Variants in STPG2 observed in about 807,000 individuals in gnomAD.
STPG2 encodes sperm tail PG-rich repeat containing 2.
Under a neutral mutation model 54.2 loss-of-function variants are expected in STPG2, and 56 were observed. That is an observed-to-expected ratio of 1.03 (90% CI 0.83 to 1.29). The LOEUF (loss-of-function observed/expected upper bound fraction) is 1.29, where lower values mean the gene tolerates loss of function less well. Among genes scored for constraint, STPG2 ranks in the 50% most tolerant of loss-of-function variants. The probability of loss-of-function intolerance (pLI) is 0.00; values close to 1 mark genes in which losing one functional copy is unlikely to be tolerated. For missense variants in STPG2, 596 were observed against 544.9 expected (o/e 1.09, Z -0.93); for synonymous variants, 200 against 181.8 (o/e 1.10, Z -0.81).
At chr4:97,571,572 C>T (rs1012229123) in intron 10 of STPG2, among the ~76,000 whole-genome samples, 1 of 152,146 alleles carries the variant, frequency 6.6e-6, no homozygotes. Flanking sequence ...TTCTATTGAT[C>T]CCAGGTCTTT....
intron 10 of STPG2, among the ~76,000 whole-genome samples, chr4:97,670,157 G>A (rs1429090333): frequency 6.6e-6 from 1 of 151,940 alleles, no homozygotes; most frequent in East Asian, 1.9e-4. Context: ...CAATCTTAAG[G>A]ATTCAAATTA....
chr4:97,658,635 G>T (rs1203051935), intron 10 of STPG2, among the ~76,000 whole-genome samples: 5 of 152,202 alleles, frequency 3.3e-5, no homozygotes, highest in African/African-American at 9.6e-5. Flanking sequence ...TAAAGAAAGA[G>T]GCCAAGAGAG....
chr4:97,640,607 A>T (rs773068031), intron 10 of STPG2, among the ~76,000 whole-genome samples: 1 of 151,820 alleles, frequency 6.6e-6, no homozygotes, highest in Non-Finnish European at 1.5e-5. Flanking sequence ...ATTGAAAAAC[A>T]GGATATACGG....
intron 8 of STPG2, among the ~76,000 whole-genome samples, chr4:97,921,403 G>C (rs1349579497): frequency 3.3e-5 from 5 of 151,890 alleles, no homozygotes; most frequent in Non-Finnish European, 5.9e-5. Flanking sequence ...AGACAACTAA[G>C]CAAATATCAG....
chr4:98,125,071 T>C (rs771686772), intron 3 of STPG2, among the ~76,000 whole-genome samples: 5 of 152,210 alleles, frequency 3.3e-5, no homozygotes, highest in Non-Finnish European at 7.3e-5. Context: ...GGTTAGCAGC[T>C]CCTATAGTTT....
At chr4:97,878,654 T>A (rs1204530459) in intron 8 of STPG2, among the ~76,000 whole-genome samples, 1 of 152,262 alleles carries the variant, frequency 6.6e-6, no homozygotes, top group South Asian at 2.1e-4. Flanking sequence ...GTCAGGCCCA[T>A]GAAACCATTA....
At chr4:97,448,356 G>A (rs1183125754) in intron 4 of STPG2, among the ~76,000 whole-genome samples, 1 of 152,114 alleles carries the variant, frequency 6.6e-6, no homozygotes, top group African/African-American at 2.4e-5. Flanking sequence ...ATTTGGGAGG[G>A]TCCAGGGACA....
chr4:98,100,522 T>A (rs976376064), intron 5 of STPG2, among the ~76,000 whole-genome samples: 1 of 152,086 alleles, frequency 6.6e-6, no homozygotes, highest in Non-Finnish European at 1.5e-5. Flanking sequence ...AAGGACTTAC[T>A]ACCTATAACT....
chr4:97,464,809 C>T (rs547345472), intron 4 of STPG2, among the ~76,000 whole-genome samples: 1 of 152,068 alleles, frequency 6.6e-6, no homozygotes, highest in Admixed American at 6.6e-5. Context: ...TAAATGTATT[C>T]TTGCATAGGT....
chr4:97,946,836 G>C (rs1273213998), intron 7 of STPG2, among the ~76,000 whole-genome samples: 1 of 132,854 alleles, frequency 7.5e-6, no homozygotes, highest in Admixed American at 7.8e-5. Flanking sequence ...GCTGCCTCCA[G>C]ATTTGTTCTT....
At chr4:97,741,016 T>C (rs930306605) in intron 9 of STPG2, among the ~76,000 whole-genome samples, 9 of 151,928 alleles carry the variant, frequency 5.9e-5, no homozygotes, top group African/African-American at 2.2e-4. Flanking sequence ...CAAACAGAGA[T>C]ATAGATCAAT....
intron 8 of STPG2, among the ~76,000 whole-genome samples, chr4:97,921,390 C>A (rs560049244): frequency 6.6e-5 from 10 of 152,002 alleles, no homozygotes; most frequent in South Asian, 2.1e-4. Context: ...TACAAGAGAA[C>A]ACAGACAACT....
intron 4 of STPG2, among the ~76,000 whole-genome samples, chr4:97,450,152 T>C (rs1481539951): frequency 2.0e-5 from 3 of 152,056 alleles, no homozygotes; most frequent in Non-Finnish European, 2.9e-5. Context: ...TCCGATTGCT[T>C]AGAAAAATAA....
At chr4:97,935,185 G>T (rs1248274004) in intron 8 of STPG2, among the ~76,000 whole-genome samples, 1 of 152,034 alleles carries the variant, frequency 6.6e-6, no homozygotes, top group Non-Finnish European at 1.5e-5. Context: ...ATATTTCTGT[G>T]GGTTCAATGG....
intron 8 of STPG2, among the ~76,000 whole-genome samples, chr4:97,861,457 T>C (rs1560559280): frequency 6.6e-6 from 1 of 152,030 alleles, no homozygotes; most frequent in Non-Finnish European, 1.5e-5. Flanking sequence ...GTACTAAAAA[T>C]AGAGCTACCA....
At chr4:98,101,764 T>C (rs570368096) in intron 5 of STPG2, among the ~76,000 whole-genome samples, 1 of 152,308 alleles carries the variant, frequency 6.6e-6, no homozygotes, top group African/African-American at 2.4e-5. Flanking sequence ...AAACAATTTC[T>C]TCTCCATGAC....
chr4:97,863,872 C>T (rs984728154), intron 8 of STPG2, among the ~76,000 whole-genome samples: 4 of 152,126 alleles, frequency 2.6e-5, no homozygotes, highest in African/African-American at 7.2e-5. Flanking sequence ...TCAATAGATG[C>T]AGAAAAGGCC....
At chr4:97,547,249 C>CT (rs1731853628) in intron 4 of STPG2, among the ~76,000 whole-genome samples, 3 of 150,096 alleles carry the variant, frequency 2.0e-5, no homozygotes, top group African/African-American at 7.4e-5. Context: ...CTCGCTCTGT[C>CT]GCCCAGGCTG....
At chr4:97,525,521 C>A (rs960791865) in intron 4 of STPG2, among the ~76,000 whole-genome samples, 1 of 151,940 alleles carries the variant, frequency 6.6e-6, no homozygotes, top group East Asian at 1.9e-4. Flanking sequence ...AGCTGACTTA[C>A]AAGCAAATTA....
Sources: gnomAD v4.1 joint callset for allele counts (sites outside exome capture counted in the v4.1 genomes callset) on GRCh38, gnomAD v4.1.1 for gene constraint, MANE v1.5 for transcripts, NCBI Gene and HGNC (gene_info 2026-07-23, HGNC 2026-07-21) for gene names.